SORCS1: variants seen among roughly 807,000 people sequenced by gnomAD.
SORCS1 encodes sortilin related VPS10 domain containing receptor 1, also known as VPS10 domain-containing receptor SorCS1.
Under a neutral mutation model 146.1 loss-of-function variants are expected in SORCS1, and 60 were observed. The ratio of observed to expected loss-of-function variants is 0.41; its 90% CI spans 0.33 to 0.51. The LOEUF (loss-of-function observed/expected upper bound fraction) is 0.51. Ranked by LOEUF, SORCS1 falls within the 20% of genes least tolerant of loss-of-function variation. The pLI is 0.21. For missense variants in SORCS1, 1,352 were observed against 1,487.6 expected (o/e 0.91, Z 1.50); for synonymous variants, 637 against 584.0 (o/e 1.09, Z -1.31).
intron 2 of SORCS1, among the ~76,000 whole-genome samples, chr10:106,950,990 G>A (rs1307741672): frequency 6.6e-6 from 1 of 152,090 alleles, no homozygotes; most frequent in African/African-American, 2.4e-5. Flanking sequence ...GTTACGAAGA[G>A]AAAATATCCA....
rs1300121649 is a variant in SORCS1 at position 106,677,227 on chromosome 10, A to C, written c.1832+86T>G. ...GGTAACAGATTTACTACAGAAACAG[A>C]CACGGTTTGATAGCCTGACTCCTAG... is the stretch of plus-strand genomic sequence containing the variant. On this transcript the variant is annotated intron_variant, in intron 13 of 25. Transcript: ENST00000263054. The C allele has an allele frequency of 2.4e-6, 3 of 1,251,532 alleles. No homozygotes were observed. In the African/African-American group the frequency reaches 4.4e-5, roughly 18 times the overall value. The allele number at this position is 1,251,532 out of a possible 1,614,324, so 77.5% of individuals were successfully genotyped here.
At chr10:107,149,460 T>C (rs1437265926) in intron 1 of SORCS1, among the ~76,000 whole-genome samples, 1 of 152,146 alleles carries the variant, frequency 6.6e-6, no homozygotes, top group African/African-American at 2.4e-5. Context: ...TTGAGAAGCA[T>C]GTCCAAGAAA....
At chr10:106,673,438 T>C (rs1851767049) in intron 14 of SORCS1, among the ~76,000 whole-genome samples, 1 of 151,978 alleles carries the variant, frequency 6.6e-6, no homozygotes, top group African/African-American at 2.4e-5. Flanking sequence ...CCGAGGAGGG[T>C]ACTATTACTG....
intron 1 of SORCS1, among the ~76,000 whole-genome samples, chr10:107,018,060 C>G (rs1046453833): frequency 5.9e-5 from 9 of 152,194 alleles, no homozygotes; most frequent in Non-Finnish European, 1.3e-4. Flanking sequence ...ATGTCCTTAT[C>G]TCTAAAGACA....
intron 6 of SORCS1, among the ~76,000 whole-genome samples, chr10:106,712,713 C>A (rs1305232397): frequency 6.6e-6 from 1 of 152,120 alleles, no homozygotes; most frequent in African/African-American, 2.4e-5. Context: ...GTTTTGCCAC[C>A]TTTCATAATG....
intron 5 of SORCS1, among the ~76,000 whole-genome samples, chr10:106,751,626 G>A (rs1245526656): frequency 2.6e-5 from 4 of 152,034 alleles, no homozygotes; most frequent in Admixed American, 6.5e-5. Flanking sequence ...TGCCTTTCAT[G>A]GATCTAAAAT....
At chr10:107,058,494 T>C (rs1590040852) in intron 1 of SORCS1, among the ~76,000 whole-genome samples, 1 of 152,216 alleles carries the variant, frequency 6.6e-6, no homozygotes, top group African/African-American at 2.4e-5. Context: ...GAAATTACCT[T>C]GACTATAATT....
chr10:106,788,939 C>T (rs1176577466), intron 3 of SORCS1, among the ~76,000 whole-genome samples: 2 of 152,236 alleles, frequency 1.3e-5, no homozygotes, highest in Non-Finnish European at 2.9e-5. Context: ...TCTGCCCCTG[C>T]CTCAAACTTC....
chr10:106,930,464 C>G (rs1953359497), intron 2 of SORCS1, among the ~76,000 whole-genome samples: 1 of 152,160 alleles, frequency 6.6e-6, no homozygotes, highest in Non-Finnish European at 1.5e-5. Context: ...ATTTGCAGAA[C>G]CCTCAGCTCT....
chr10:107,020,116 A>C (rs774728499), intron 1 of SORCS1, among the ~76,000 whole-genome samples: 1 of 152,244 alleles, frequency 6.6e-6, no homozygotes, highest in Admixed American at 6.5e-5. Flanking sequence ...CTTTTACCTC[A>C]AATTATCCAA....
chr10:106,588,987 G>C (rs1481339350), intron 24 of SORCS1, among the ~76,000 whole-genome samples: 4 of 149,628 alleles, frequency 2.7e-5, no homozygotes. Context: ...TAATTGCAAT[G>C]TAAAGTCACG....
intron 1 of SORCS1, among the ~76,000 whole-genome samples, chr10:107,147,549 C>T (rs943514178): frequency 5.3e-5 from 8 of 152,140 alleles, no homozygotes; most frequent in Non-Finnish European, 8.8e-5. Context: ...CTTCCTGTGT[C>T]TCATTTTTGG....
chr10:106,904,367 T>A (rs1356909239), intron 2 of SORCS1, among the ~76,000 whole-genome samples: 1 of 152,128 alleles, frequency 6.6e-6, no homozygotes, highest in East Asian at 1.9e-4. Flanking sequence ...TACCTTCTAC[T>A]GGAGGAAAGG....
intron 1 of SORCS1, among the ~76,000 whole-genome samples, chr10:107,123,389 T>C: frequency 6.6e-6 from 1 of 152,226 alleles, no homozygotes; most frequent in South Asian, 2.1e-4. Flanking sequence ...TGAATGTTAA[T>C]TCTTGAAAGT....
intron 2 of SORCS1, among the ~76,000 whole-genome samples, chr10:106,859,292 A>G (rs776768200): frequency 5.9e-5 from 9 of 152,218 alleles, no homozygotes; most frequent in Non-Finnish European, 8.8e-5. Context: ...TGTCTGTGCT[A>G]ATAGACTGCA....
At chr10:107,149,236 G>A (rs1262309246) in intron 1 of SORCS1, among the ~76,000 whole-genome samples, 1 of 151,958 alleles carries the variant, frequency 6.6e-6, no homozygotes, top group South Asian at 2.1e-4. Flanking sequence ...GAACGGAAAG[G>A]GCCAACCAAT....
At chr10:106,726,190 T>C (rs1175854458) in intron 6 of SORCS1, among the ~76,000 whole-genome samples, 6 of 142,010 alleles carry the variant, frequency 4.2e-5, no homozygotes, top group Admixed American at 2.1e-4. Context: ...CCTCTCTTTT[T>C]TTTTTTTTTT....
intron 2 of SORCS1, among the ~76,000 whole-genome samples, chr10:106,901,052 T>C (rs906190316): frequency 6.6e-6 from 1 of 152,182 alleles, no homozygotes; most frequent in African/African-American, 2.4e-5. Context: ...ATGGTGCCCT[T>C]GATTCAAAAG....
At chr10:106,703,428 T>C (rs968138879) in intron 8 of SORCS1, among the ~76,000 whole-genome samples, 8 of 152,156 alleles carry the variant, frequency 5.3e-5, no homozygotes, top group African/African-American at 1.9e-4. Context: ...ATGTATTGCC[T>C]CATTTATCTC....
Sources: allele counts gnomAD v4.1 joint callset (sites outside exome capture counted in the v4.1 genomes callset), GRCh38; gene constraint gnomAD v4.1.1; transcripts MANE v1.5; gene names NCBI Gene and HGNC (gene_info 2026-07-23, HGNC 2026-07-21).